The following HIP1 variants were observed in gnomAD, a reference collection of about 807,000 sequenced individuals.
The protein encoded by HIP1 is huntingtin interacting protein 1.
HIP1 carries 65 observed loss-of-function variants against 147.6 expected under a neutral mutation model. The ratio of observed to expected loss-of-function variants is 0.44; its 90% CI spans 0.36 to 0.54. The LOEUF (loss-of-function observed/expected upper bound fraction) is 0.54. Ranked by LOEUF, HIP1 falls within the 20% of genes least tolerant of loss-of-function variation. The probability of loss-of-function intolerance (pLI) is 0.00; values close to 1 mark genes in which losing one functional copy is unlikely to be tolerated. For missense variants in HIP1, 1,061 were observed against 1,299.6 expected, an observed-to-expected ratio of 0.82 and a Z score of 2.82; for synonymous variants, 479 against 504.0, an observed-to-expected ratio of 0.95 and a Z score of 0.67.
intron 1 of HIP1, among the ~76,000 whole-genome samples, chr7:75,703,462 G>A (rs1362191379): frequency 2.6e-5 from 4 of 152,116 alleles, no homozygotes; most frequent in Non-Finnish European, 5.9e-5. Flanking sequence ...TGACTAACAT[G>A]GAGAAACCCT....
In HIP1 at chr7:75,570,112, T is replaced by G. The variant is rs587689737; in HGVS notation, c.746-1856A>C. Reference sequence around the variant, plus strand: ...CCACACCCCGCTAATTTTTGTATTTTTAGCAGATACAGGGTTTCGCCGTGT... The same window carrying G: ...CCACACCCCGCTAATTTTTGTATTTGTAGCAGATACAGGGTTTCGCCGTGT... On this transcript the variant is annotated intron_variant, in intron 8 of 30. Transcript: ENST00000336926. 3.3e-5 allele frequency among the ~76,000 whole-genome samples: 5 copies of G among 151,734 alleles called. No homozygotes were observed. The South Asian group carries it at 1.0e-3, about 32-fold the overall frequency.
intron 14 of HIP1, 84 bp from the exon 15 acceptor site, chr7:75,558,339 T>A: frequency 9.6e-7 from 1 of 1,041,450 alleles, no homozygotes; most frequent in African/African-American, 1.6e-5. Flanking sequence ...CCCTAGAAGG[T>A]CCTCCTTGTT....
At chr7:75,639,038 T>C (rs533059053) in intron 1 of HIP1, 3 of 979,838 alleles carry the variant, frequency 3.1e-6, no homozygotes, top group African/African-American at 3.5e-5. Context: ...GCAAAGCCCC[T>C]GCTCACACTT....
rs1794089457 is a variant in HIP1, at chr7:75,536,492, TAAA to T, written c.*1677_*1679del. 4 of 228,952 alleles carry T rather than the reference TAAA, an allele frequency of 1.7e-5. No homozygotes were observed. In the Admixed American group the frequency reaches 2.3e-4, roughly 13 times the overall value. The allele number at this position is 228,952 out of a possible 1,614,324, so 14.2% of individuals were successfully genotyped here. ...GCTACCACCAATGAGTTGCTATAGA[TAAA>T]GAAGGAAGACGCTGTTTTTCCAAGA... On this transcript the variant is annotated 3_prime_UTR_variant, in exon 31 of 31. Transcript: ENST00000336926.
chr7:75,726,340 A>G (rs1801649483), intron 1 of HIP1, among the ~76,000 whole-genome samples: 1 of 151,000 alleles, frequency 6.6e-6, no homozygotes, highest in Non-Finnish European at 1.5e-5. Flanking sequence ...CTGGAGTGCA[A>G]TGGTTCGGTC....
chr7:75,608,569 G>C (rs2117045856), intron 1 of HIP1, among the ~76,000 whole-genome samples: 1 of 152,288 alleles, frequency 6.6e-6, no homozygotes, highest in Middle Eastern at 3.4e-3. Flanking sequence ...CTTAAGATCT[G>C]AAGAAAATTT....
chr7:75,604,912 G>A (rs587649551), intron 1 of HIP1, among the ~76,000 whole-genome samples: 4 of 152,204 alleles, frequency 2.6e-5, no homozygotes, highest in Admixed American at 1.3e-4. Context: ...CATAAGCCAC[G>A]TAAAATAATA....
intron 1 of HIP1, among the ~76,000 whole-genome samples, chr7:75,695,072 T>C (rs1800592495): frequency 6.6e-6 from 1 of 152,228 alleles, no homozygotes; most frequent in African/African-American, 2.4e-5. Context: ...TTAGTGCTTT[T>C]GTTCCTATCA....
chr7:75,586,617 G>A (rs1443734222), intron 5 of HIP1, 136 bp downstream of exon 5: 2 of 659,834 alleles, frequency 3.0e-6, no homozygotes, highest in African/African-American at 3.6e-5. Flanking sequence ...CACAGCTTGG[G>A]TACATGATGT....
intron 1 of HIP1, among the ~76,000 whole-genome samples, chr7:75,607,906 A>C (rs868940954): frequency 5.3e-5 from 8 of 152,228 alleles, no homozygotes; most frequent in Middle Eastern, 3.4e-3. Context: ...AAAATGCATT[A>C]AAATTCACAA....
intron 18 of HIP1, 58 bp from the exon 19 acceptor site, chr7:75,555,609 G>T: frequency 6.3e-7 from 1 of 1,593,178 alleles, no homozygotes; most frequent in Non-Finnish European, 8.6e-7. Flanking sequence ...AACCTGAGCA[G>T]GATGACCTGG....
intron 18 of HIP1, 126 bp downstream of exon 18, chr7:75,555,900 G>T: frequency 8.6e-7 from 1 of 1,161,296 alleles, no homozygotes; most frequent in Non-Finnish European, 1.2e-6. Flanking sequence ...CAGAATGTCT[G>T]CACAATCAGG....
At chr7:75,737,948 T>A (rs1802078901) in intron 1 of HIP1, among the ~76,000 whole-genome samples, 1 of 152,196 alleles carries the variant, frequency 6.6e-6, no homozygotes, top group Non-Finnish European at 1.5e-5. Flanking sequence ...ACCATCAACA[T>A]GTCAGCTTAA....
Position 75,538,077 on chromosome 7 carries a change from C to T in HIP1, c.*95G>A. On this transcript the variant is annotated 3_prime_UTR_variant, in exon 31 of 31. Coordinates refer to ENST00000336926, the MANE Select transcript of HIP1 (RefSeq NM_005338.7). The stretch of plus-strand genomic sequence containing the variant: ...GGTAATGGCAGTGGTGTGGCTGCCC[C>T]TGGGACTCCAAGGATTTGGCCTGTG... 2.0e-6 allele frequency: 2 copies of T among 1,006,570 alleles called. No homozygotes were observed. The highest frequency in any genetic ancestry group is 3.2e-6 in the Non-Finnish European group (2 of 626,488). 62.4% of individuals were successfully genotyped at this position (1,006,570 alleles called of 1,614,324 possible).
At chr7:75,561,869 A>C (rs1435257347) in intron 12 of HIP1, among the ~76,000 whole-genome samples, 1 of 151,656 alleles carries the variant, frequency 6.6e-6, no homozygotes, top group African/African-American at 2.4e-5. Context: ...TTGGTCTTAA[A>C]CTCCTGGCCT....
intron 1 of HIP1, among the ~76,000 whole-genome samples, chr7:75,627,969 G>A (rs1347655075): frequency 6.6e-6 from 1 of 152,166 alleles, no homozygotes; most frequent in Non-Finnish European, 1.5e-5. Flanking sequence ...TACACACCAT[G>A]AACAGGGGTT....
chr7:75,638,839 C>G (rs1395201087), intron 1 of HIP1, among the ~76,000 whole-genome samples: 2 of 151,494 alleles, frequency 1.3e-5, no homozygotes, highest in African/African-American at 4.9e-5. Flanking sequence ...GGCGGCGCGG[C>G]GGGAAAGCCA....
chr7:75,650,174 G>C (rs1447868815), intron 1 of HIP1, among the ~76,000 whole-genome samples: 3 of 152,310 alleles, frequency 2.0e-5, no homozygotes, highest in East Asian at 3.9e-4. Flanking sequence ...CAGGCTGCGG[G>C]AGGCCAGCAG....
In HIP1 at chr7:75,686,892, C is replaced by T. The variant is rs983375415; in HGVS notation, c.120+51909G>A. On this transcript the variant is annotated intron_variant, in intron 1 of 30. Coordinates refer to ENST00000336926, the MANE Select transcript of HIP1 (RefSeq NM_005338.7). ...GTAGGTACAGGGTCTTGTATGTTGC[C>T]CAGGCTGGCTTCAAATTCCTGGACT... Among the ~76,000 whole-genome samples, 8 of 147,960 alleles carry T rather than the reference C, an allele frequency of 5.4e-5. No homozygotes were observed. In the South Asian group the frequency reaches 6.4e-4, roughly 12 times the overall value.
Sources: gnomAD v4.1 joint callset for allele counts (sites outside exome capture counted in the v4.1 genomes callset) on GRCh38, gnomAD v4.1.1 for gene constraint, MANE v1.5 for transcripts, NCBI Gene and HGNC (gene_info 2026-07-23, HGNC 2026-07-21) for gene names.